LRRTM4: variants seen among roughly 807,000 people sequenced by gnomAD.
The protein encoded by LRRTM4 is leucine rich repeat transmembrane neuronal 4.
In LRRTM4, 25 loss-of-function variants were observed where a neutral mutation model predicts 47.6. The observed-to-expected ratio is 0.53, with a 90% CI of 0.38 to 0.73. The LOEUF (loss-of-function observed/expected upper bound fraction) is 0.73. Among genes scored for constraint, LRRTM4 ranks in the 30% least tolerant of loss-of-function variants. LRRTM4 has a pLI of 0.00. For missense variants in LRRTM4, 638 were observed against 713.4 expected, an observed-to-expected ratio of 0.89 and a Z score of 1.20; for synonymous variants, 311 against 269.5, an observed-to-expected ratio of 1.15 and a Z score of -1.51.
intron 3 of LRRTM4, among the ~76,000 whole-genome samples, chr2:76,807,870 C>G (rs146945095): frequency 6.6e-6 from 1 of 151,708 alleles, no homozygotes; most frequent in South Asian, 2.1e-4. Context: ...TGTGAGCCAC[C>G]GCACCCGGCC....
At chr2:76,808,098 C>A (rs1463314480) in intron 3 of LRRTM4, among the ~76,000 whole-genome samples, 1 of 151,730 alleles carries the variant, frequency 6.6e-6, no homozygotes, top group East Asian at 1.9e-4. Context: ...CAACTCACTG[C>A]AACCTCCACC....
chr2:76,959,460 A>G (rs1181059717), intron 3 of LRRTM4, among the ~76,000 whole-genome samples: 2 of 148,196 alleles, frequency 1.3e-5, no homozygotes, highest in African/African-American at 5.1e-5. Context: ...AAAAAACACG[A>G]CAGAAATAAA....
At chr2:76,925,550 T>C (rs1674563896) in intron 3 of LRRTM4, among the ~76,000 whole-genome samples, 2 of 152,180 alleles carry the variant, frequency 1.3e-5, no homozygotes, top group African/African-American at 4.8e-5. Context: ...AGAAAACTAA[T>C]AGACGTTCTG....
chr2:76,777,328 G>GAATCTGT (rs1465852669), intron 3 of LRRTM4, among the ~76,000 whole-genome samples: 1 of 142,158 alleles, frequency 7.0e-6, no homozygotes, highest in African/African-American at 2.6e-5. Flanking sequence ...GGATGGCATT[G>GAATCTGT]AATCTGTAAA....
At chr2:77,404,584 T>C (rs1451865799) in intron 3 of LRRTM4, among the ~76,000 whole-genome samples, 1 of 152,096 alleles carries the variant, frequency 6.6e-6, no homozygotes, top group East Asian at 1.9e-4. Flanking sequence ...TGGGATAATT[T>C]TGTGGCTAGA....
At chr2:77,288,529 C>A (rs970607196) in intron 3 of LRRTM4, among the ~76,000 whole-genome samples, 1 of 151,936 alleles carries the variant, frequency 6.6e-6, no homozygotes, top group East Asian at 1.9e-4. Flanking sequence ...AAAGACTATA[C>A]GTGTTGGTTT....
Position 77,396,377 on chromosome 2 carries a change from G to GT in LRRTM4, c.1551+121940dup, listed in dbSNP as rs769365092. On this transcript the variant is annotated intron_variant, in intron 3 of 3. Transcript: ENST00000409884. ...GCTTGTATTCTAGCAATTTAGGCATGTTTTTTTATCTCTGCTAAGGTTTTT... is the reference window on the plus strand; with the variant it reads ...GCTTGTATTCTAGCAATTTAGGCATGTTTTTTTTATCTCTGCTAAGGTTTTT... Among the ~76,000 whole-genome samples, 101 of 151,904 alleles carry GT rather than the reference G, an allele frequency of 6.6e-4. 1 individual carries two copies. The highest frequency in any genetic ancestry group is 3.9e-3 in the South Asian group (19 of 4,822).
At chr2:76,851,891 T>C (rs1020972162) in intron 3 of LRRTM4, among the ~76,000 whole-genome samples, 1 of 151,970 alleles carries the variant, frequency 6.6e-6, no homozygotes, top group African/African-American at 2.4e-5. Context: ...TTTGACCCTA[T>C]TTGTTAATCA....
chr2:77,230,100 C>G (rs893255847), intron 3 of LRRTM4, among the ~76,000 whole-genome samples: 1 of 152,002 alleles, frequency 6.6e-6, no homozygotes, highest in Non-Finnish European at 1.5e-5. Flanking sequence ...AAAAGGTACT[C>G]CCTTTGGAGT....
At chr2:77,241,341 G>T (rs1219674278) in intron 3 of LRRTM4, among the ~76,000 whole-genome samples, 1 of 151,878 alleles carries the variant, frequency 6.6e-6, no homozygotes, top group Admixed American at 6.6e-5. Context: ...TTTGAGAAAA[G>T]GCGCTGGAAA....
At chr2:77,470,120 G>T (rs976061828) in intron 3 of LRRTM4, among the ~76,000 whole-genome samples, 1 of 152,104 alleles carries the variant, frequency 6.6e-6, no homozygotes, top group Admixed American at 6.5e-5. Flanking sequence ...ACCAGCAGGG[G>T]CATATATTTG....
intron 3 of LRRTM4, among the ~76,000 whole-genome samples, chr2:76,941,191 G>A (rs1262038306): frequency 6.6e-6 from 1 of 152,116 alleles, no homozygotes; most frequent in African/African-American, 2.4e-5. Flanking sequence ...AAGGAAAGGC[G>A]ATAAAGCCAT....
chr2:77,192,844 C>T (rs557419668), intron 3 of LRRTM4, among the ~76,000 whole-genome samples: 7 of 152,204 alleles, frequency 4.6e-5, no homozygotes, highest in South Asian at 2.1e-4. Context: ...TAGAATTTTT[C>T]GAAAGAATAT....
At chr2:77,003,505 T>C (rs1677514522) in intron 3 of LRRTM4, among the ~76,000 whole-genome samples, 1 of 152,162 alleles carries the variant, frequency 6.6e-6, no homozygotes. Flanking sequence ...CTGATGGTTT[T>C]GTAAAGGGAA....
intron 3 of LRRTM4, among the ~76,000 whole-genome samples, chr2:76,945,253 C>T (rs1046036664): frequency 3.9e-5 from 6 of 151,986 alleles, no homozygotes; most frequent in Non-Finnish European, 5.9e-5. Context: ...CAAAATAAAG[C>T]AACTAGCGTG....
At chr2:77,381,957 A>G (rs1558717110) in intron 3 of LRRTM4, among the ~76,000 whole-genome samples, 1 of 152,076 alleles carries the variant, frequency 6.6e-6, no homozygotes, top group Non-Finnish European at 1.5e-5. Flanking sequence ...GAGACATTTT[A>G]GTTTTTCAAT....
At chr2:77,507,774 T>C (rs916134666) in intron 3 of LRRTM4, among the ~76,000 whole-genome samples, 1 of 151,908 alleles carries the variant, frequency 6.6e-6, no homozygotes, top group Non-Finnish European at 1.5e-5. Context: ...CAAATTGGAA[T>C]CCCTAAGAGC....
intron 3 of LRRTM4, among the ~76,000 whole-genome samples, chr2:77,078,865 G>T (rs1680435682): frequency 6.6e-6 from 1 of 152,086 alleles, no homozygotes; most frequent in African/African-American, 2.4e-5. Flanking sequence ...TCACAGTTCT[G>T]GTAGCTGGGA....
chr2:77,508,719 A>G (rs943223673), intron 3 of LRRTM4, among the ~76,000 whole-genome samples: 1 of 152,148 alleles, frequency 6.6e-6, no homozygotes, highest in East Asian at 1.9e-4. Context: ...ATGATGCAAT[A>G]CATATTTCTA....
Sources: gnomAD v4.1 joint callset for allele counts (sites outside exome capture counted in the v4.1 genomes callset) on GRCh38, gnomAD v4.1.1 for gene constraint, MANE v1.5 for transcripts, NCBI Gene and HGNC (gene_info 2026-07-23, HGNC 2026-07-21) for gene names.